Variants in TSPAN18 observed in about 807,000 individuals in gnomAD.
TSPAN18 encodes tetraspanin-18.
In TSPAN18, 14 loss-of-function variants were observed where a neutral mutation model predicts 27.3. The ratio of observed to expected loss-of-function variants is 0.51; its 90% CI spans 0.34 to 0.80. The LOEUF is 0.80. Among genes scored for constraint, TSPAN18 ranks in the 30% least tolerant of loss-of-function variants. The pLI is 0.01. For missense variants in TSPAN18, 268 were observed against 323.9 expected (o/e 0.83, Z 1.32); for synonymous variants, 143 against 136.5 (o/e 1.05, Z -0.33).
intron 8 of TSPAN18, among the ~76,000 whole-genome samples, chr11:44,921,350 T>C (rs933771937): frequency 2.0e-5 from 3 of 152,068 alleles, no homozygotes; most frequent in African/African-American, 7.2e-5. Context: ...TCAGATTCCA[T>C]ATGTTGGCAG....
At chr11:44,900,818 C>T (rs1223147186) in intron 3 of TSPAN18, among the ~76,000 whole-genome samples, 2 of 149,918 alleles carry the variant, frequency 1.3e-5, no homozygotes, top group African/African-American at 2.4e-5. Flanking sequence ...CTCAGCCTCC[C>T]GAGTTGCTGG....
intron 2 of TSPAN18, among the ~76,000 whole-genome samples, chr11:44,792,120 A>G (rs947558542): frequency 1.3e-5 from 2 of 152,152 alleles, no homozygotes; most frequent in African/African-American, 4.8e-5. Flanking sequence ...AATATTATAT[A>G]ATTTCATGTG....
rs535009279 is a variant in TSPAN18, at chr11:44,786,442, TTCAGAGTGAAACTCGGTGATG to T, written c.-153+21933_-153+21953del. ...GCTTTGAAAGCTGGCGTTGGGTAGG[TTCAGAGTGAAACTCGGTGATG>T]TCCTCAGTGTGGTTCCCTGCCAGTT... On this transcript the variant is annotated intron_variant, in intron 2 of 9. Transcript: ENST00000520358. 2.6e-3 allele frequency among the ~76,000 whole-genome samples: 390 copies of T among 152,030 alleles called. 5 individuals carry two copies. Among genetic ancestry groups the T allele is most frequent in the Middle Eastern group, 0.01 (3 of 294 alleles).
At chr11:44,896,999 G>T (rs1328391565) in intron 3 of TSPAN18, among the ~76,000 whole-genome samples, 1 of 152,128 alleles carries the variant, frequency 6.6e-6, no homozygotes, top group African/African-American at 2.4e-5. Flanking sequence ...CCCCAGGCAG[G>T]CTCGTACTTG....
intron 3 of TSPAN18, among the ~76,000 whole-genome samples, chr11:44,901,831 A>G (rs981426745): frequency 9.2e-5 from 14 of 152,216 alleles, no homozygotes; most frequent in African/African-American, 3.4e-4. Flanking sequence ...GATACTGGCC[A>G]GGTTACTTGA....
chr11:44,847,525 A>G (rs749712799), intron 2 of TSPAN18, among the ~76,000 whole-genome samples: 13 of 152,208 alleles, frequency 8.5e-5, no homozygotes, highest in Non-Finnish European at 1.5e-4. Flanking sequence ...GATATACCAC[A>G]TTCATCTGCT....
At chr11:44,885,746 G>A (rs930498918) in intron 3 of TSPAN18, among the ~76,000 whole-genome samples, 7 of 152,066 alleles carry the variant, frequency 4.6e-5, no homozygotes, top group Admixed American at 2.0e-4. Context: ...TCTCAGCCAC[G>A]CAGGGTGCTT....
Position 44,908,791 on chromosome 11 carries a change from GAAA to G in TSPAN18, c.64-913_64-911del, listed in dbSNP as rs1564992829. Among the ~76,000 whole-genome samples, 5 of 59,230 alleles carry G rather than the reference GAAA, an allele frequency of 8.4e-5. 1 individual carries two copies. Among genetic ancestry groups the G allele is most frequent in the Non-Finnish European group, 1.4e-4 (4 of 27,886 alleles). The allele number at this position is 59,230 out of a possible 152,430, so 38.9% of individuals were successfully genotyped here. On this transcript the variant is annotated intron_variant, in intron 4 of 9. Coordinates refer to ENST00000520358, the MANE Select transcript of TSPAN18 (RefSeq NM_130783.5). Reference sequence around the variant, plus strand: ...AAGGAGAAAGAAAGAAAGAAAGAAAGAAAGAAAGAAAGAAAGAAAGAAAGAAAG... The same window carrying G: ...AAGGAGAAAGAAAGAAAGAAAGAAAGGAAAGAAAGAAAGAAAGAAAGAAAG...
intron 1 of TSPAN18, among the ~76,000 whole-genome samples, chr11:44,738,367 C>G (rs971658863): frequency 4.6e-5 from 7 of 152,150 alleles, no homozygotes; most frequent in Non-Finnish European, 7.3e-5. Flanking sequence ...GGCTGGAGCC[C>G]CCCCGGCTGG....
intron 2 of TSPAN18, among the ~76,000 whole-genome samples, chr11:44,812,008 G>C (rs1432306587): frequency 6.6e-6 from 1 of 152,208 alleles, no homozygotes; most frequent in Non-Finnish European, 1.5e-5. Flanking sequence ...TATGTTGCTA[G>C]TGGTCGACTT....
intron 3 of TSPAN18, among the ~76,000 whole-genome samples, chr11:44,872,395 C>T (rs1379728826): frequency 2.0e-5 from 3 of 152,180 alleles, no homozygotes; most frequent in South Asian, 2.1e-4. Flanking sequence ...TAATTCAGTC[C>T]ATAGCATGCA....
At chr11:44,836,570 G>A (rs1017111587) in intron 2 of TSPAN18, among the ~76,000 whole-genome samples, 4 of 152,178 alleles carry the variant, frequency 2.6e-5, no homozygotes, top group South Asian at 2.1e-4. Flanking sequence ...AGGTGGCGGC[G>A]ATACAAAACA....
chr11:44,751,049 G>A (rs1046466390), intron 1 of TSPAN18, among the ~76,000 whole-genome samples: 5 of 152,188 alleles, frequency 3.3e-5, no homozygotes, highest in African/African-American at 9.7e-5. Flanking sequence ...GTTAATTAGA[G>A]GATGACTTTT....
intron 2 of TSPAN18, among the ~76,000 whole-genome samples, chr11:44,824,107 A>C (rs1856985803): frequency 6.6e-6 from 1 of 152,108 alleles, no homozygotes; most frequent in Non-Finnish European, 1.5e-5. Context: ...CCTCGCTACC[A>C]TCATTGAGGG....
chr11:44,897,357 C>T (rs1010464364), intron 3 of TSPAN18, among the ~76,000 whole-genome samples: 2 of 152,172 alleles, frequency 1.3e-5, no homozygotes, highest in Admixed American at 6.5e-5. Context: ...GCCCTGCTGG[C>T]ACTCTCTCTG....
chr11:44,761,387 C>T (rs1353615454), intron 1 of TSPAN18, among the ~76,000 whole-genome samples: 6 of 152,308 alleles, frequency 3.9e-5, no homozygotes, highest in African/African-American at 9.6e-5. Flanking sequence ...TCCCCTCCCC[C>T]GCAGAGAGGA....
chr11:44,811,274 ATGTTT>A (rs150652136), intron 2 of TSPAN18, among the ~76,000 whole-genome samples: 1 of 151,634 alleles, frequency 6.6e-6, no homozygotes, highest in African/African-American at 2.4e-5. Flanking sequence ...ACATAATCTG[ATGTTT>A]TGTTTTGTTT....
chr11:44,768,448 C>T (rs1855618049), intron 2 of TSPAN18, among the ~76,000 whole-genome samples: 1 of 152,114 alleles, frequency 6.6e-6, no homozygotes, highest in African/African-American at 2.4e-5. Context: ...ATATTAACTT[C>T]CTATCCTACA....
At position 44,729,573 on chromosome 11, in the gene TSPAN18, T is replaced by A. The variant is rs141375716; in HGVS notation, c.-240+2286T>A. 3.0e-4 allele frequency among the ~76,000 whole-genome samples: 45 copies of A among 152,330 alleles called. No homozygotes were observed. The East Asian group carries it at 8.1e-3, about 27-fold the overall frequency. ...AACATTTCAAGTCTTGGGCACTCTG[T>A]TTCCTTGTCTCCCTTGTCCCCAAAC... On this transcript the variant is annotated intron_variant, in intron 1 of 9. Coordinates refer to ENST00000520358, the MANE Select transcript of TSPAN18 (RefSeq NM_130783.5).
Sources: gnomAD v4.1 joint callset for allele counts (sites outside exome capture counted in the v4.1 genomes callset) on GRCh38, gnomAD v4.1.1 for gene constraint, MANE v1.5 for transcripts, NCBI Gene and HGNC (gene_info 2026-07-23, HGNC 2026-07-21) for gene names.